XIRP2: variants seen among roughly 807,000 people sequenced by gnomAD.
XIRP2 encodes xin actin-binding repeat-containing protein 2.
In XIRP2, 236 loss-of-function variants were observed where a neutral mutation model predicts 277.0. The observed-to-expected ratio is 0.85, with a 90% confidence interval of 0.77 to 0.95. The LOEUF is 0.95. XIRP2 is among the 40% of genes least tolerant of loss of function. The probability of loss-of-function intolerance (pLI) is 0.00; values close to 1 mark genes in which losing one functional copy is unlikely to be tolerated. For missense variants in XIRP2, 4,640 were observed against 4,157.5 expected (o/e 1.12, Z -3.19); for synonymous variants, 1,490 against 1,416.5 (o/e 1.05, Z -1.17).
At chr2:167,064,384 CTTCTA>C (rs1689250093) in intron 2 of XIRP2, among the ~76,000 whole-genome samples, 1 of 151,844 alleles carries the variant, frequency 6.6e-6, no homozygotes, top group South Asian at 2.1e-4. Flanking sequence ...ATAGCGCATA[CTTCTA>C]TTTATTTAAT....
chr2:167,079,929 T>G (rs1009838646), intron 2 of XIRP2, among the ~76,000 whole-genome samples: 3 of 152,086 alleles, frequency 2.0e-5, no homozygotes, highest in East Asian at 1.9e-4. Flanking sequence ...TTTGTTTTTT[T>G]GGGTTTATTT....
At chr2:167,144,293 T>C (rs1476266444) in intron 3 of XIRP2, among the ~76,000 whole-genome samples, 1 of 152,144 alleles carries the variant, frequency 6.6e-6, no homozygotes, top group African/African-American at 2.4e-5. Flanking sequence ...GCTAAAATAA[T>C]GTTCTATGAA....
intron 2 of XIRP2, among the ~76,000 whole-genome samples, chr2:166,925,827 C>T (rs777058093): frequency 1.6e-4 from 25 of 151,552 alleles, no homozygotes; most frequent in Non-Finnish European, 7.4e-5. Flanking sequence ...CTAAGCACTT[C>T]GGGAGGCCTA....
intron 2 of XIRP2, among the ~76,000 whole-genome samples, chr2:167,019,931 AT>A (rs1449959150): frequency 6.6e-6 from 1 of 152,040 alleles, no homozygotes; most frequent in African/African-American, 2.4e-5. Flanking sequence ...TAGCAAGATG[AT>A]TCTTTAAAAG....
intron 2 of XIRP2, among the ~76,000 whole-genome samples, chr2:167,085,571 T>G (rs1164091603): frequency 1.3e-5 from 2 of 152,132 alleles, no homozygotes; most frequent in Non-Finnish European, 2.9e-5. Context: ...TTAATATGTG[T>G]GAGTCTAAGT....
chr2:167,123,357 C>T (rs79867513), intron 2 of XIRP2, among the ~76,000 whole-genome samples: 10 of 152,112 alleles, frequency 6.6e-5, no homozygotes, highest in African/African-American at 1.9e-4. Flanking sequence ...TTTAAAGCTA[C>T]GAAGAAACTT....
chr2:166,988,452 G>GAGTAAGATCTAAAGGTGAGTTAATAGTA (rs1553475861), intron 2 of XIRP2, among the ~76,000 whole-genome samples: 4 of 135,292 alleles, frequency 3.0e-5, no homozygotes, highest in East Asian at 6.5e-4. Flanking sequence ...GAAAACTTTA[G>GAGTAAGATCTAAAGGTGAGTTAATAGTA]TTGGAGGAGC....
At chr2:166,983,042 G>A (rs769267025) in intron 2 of XIRP2, among the ~76,000 whole-genome samples, 9 of 152,124 alleles carry the variant, frequency 5.9e-5, no homozygotes, top group Admixed American at 5.2e-4. Flanking sequence ...TCAGTTAGGT[G>A]GCTTTTGCTG....
intron 2 of XIRP2, among the ~76,000 whole-genome samples, chr2:167,129,879 A>AG (rs1691325154): frequency 6.6e-6 from 1 of 151,808 alleles, no homozygotes; most frequent in African/African-American, 2.4e-5. Flanking sequence ...CAAAAAAAAA[A>AG]AAAAAAGAAA....
intron 2 of XIRP2, among the ~76,000 whole-genome samples, chr2:167,005,133 A>G (rs1687474375): frequency 6.6e-6 from 1 of 151,912 alleles, no homozygotes; most frequent in Non-Finnish European, 1.5e-5. Flanking sequence ...GCATTTGCAA[A>G]TAACAAGTTA....
intron 2 of XIRP2, among the ~76,000 whole-genome samples, chr2:167,053,393 T>C (rs1043832040): frequency 6.6e-6 from 1 of 152,218 alleles, no homozygotes; most frequent in African/African-American, 2.4e-5. Flanking sequence ...TTTCAATCCA[T>C]CATTTGACAT....
chr2:166,975,150 T>C (rs1472971432), intron 2 of XIRP2, among the ~76,000 whole-genome samples: 3 of 152,078 alleles, frequency 2.0e-5, no homozygotes, highest in South Asian at 4.1e-4. Flanking sequence ...TTAAAATACA[T>C]GAAGTAGAGA....
chr2:167,041,084 G>A (rs916202423), intron 2 of XIRP2, among the ~76,000 whole-genome samples: 2 of 151,904 alleles, frequency 1.3e-5, no homozygotes, highest in Admixed American at 6.6e-5. Context: ...CAAGGAACCA[G>A]AGAAAAAAAC....
At chr2:166,957,759 AC>A (rs1686199145) in intron 2 of XIRP2, among the ~76,000 whole-genome samples, 2 of 151,778 alleles carry the variant, frequency 1.3e-5, no homozygotes, top group Non-Finnish European at 2.9e-5. Context: ...ATGCAGATAG[AC>A]CCATATGAGT....
chr2:167,250,593 T>G lies in XIRP2; in HGVS notation c.9201T>G (p.Ser3067Arg). 3 of 1,613,040 alleles carry G rather than the reference T, an allele frequency of 1.9e-6. No homozygotes were observed. Among genetic ancestry groups the G allele is most frequent in the Non-Finnish European group, 2.5e-6 (3 of 1,179,602 alleles). Residue 3067 changes from serine (S) to arginine (R), a missense_variant, in exon 9 of 11, where the codon AGT becomes AGG. By Grantham distance (110) the Ser-to-Arg change is moderately radical. Transcript: ENST00000409195. ...TTCATGTCAGCAATAATAAAAATAG[T>G]GAACAGAAAGAAAATAAAATTGCCA... ...SNVHVSNNKN[S>R]EQKENKIAKE... is the part of the protein sequence containing the mutation.
At position 167,214,226 on chromosome 2, in the gene XIRP2, G is replaced by GAGGGAGGGAGGGAGGAAGGAAGGA. The variant is rs1323240476; in HGVS notation, c.723+3334_723+3335insGAGGGAGGGAGGAAGGAAGGAAGG. Among the ~76,000 whole-genome samples the GAGGGAGGGAGGGAGGAAGGAAGGA allele has an allele frequency of 1.6e-3, 109 of 67,328 alleles. 2 individuals carry two copies. The highest frequency in any genetic ancestry group is 2.6e-3 in the Admixed American group (18 of 6,826). 44.2% of individuals were successfully genotyped at this position (67,328 alleles called of 152,430 possible). On this transcript the variant is annotated intron_variant, in intron 4 of 10. Transcript: ENST00000409195. The stretch of plus-strand genomic sequence containing the variant: ...AAAGAGAGGGAGGGAGGGAGGGAGG[G>GAGGGAGGGAGGGAGGAAGGAAGGA]AGGAAGGAAGGAAGGAAGGAAGGAA...
rs1487808810 is a variant in XIRP2, at chr2:166,970,002, C to T, written c.408+66112C>T. Among the ~76,000 whole-genome samples the T allele has an allele frequency of 7.2e-5, 11 of 151,890 alleles. No individual in the cohort carries two copies. The East Asian group carries it at 1.9e-3, about 27-fold the overall frequency. On this transcript the variant is annotated intron_variant, in intron 2 of 10. Transcript: ENST00000409195. Reference sequence around the variant, plus strand: ...GCATTCGGATCATTTTTGCTTTTCGCTTTCAGGTCTGGGTGAATGAAAGGG... The same window carrying T: ...GCATTCGGATCATTTTTGCTTTTCGTTTTCAGGTCTGGGTGAATGAAAGGG...
intron 3 of XIRP2, among the ~76,000 whole-genome samples, chr2:167,208,493 A>G (rs576739039): frequency 6.6e-6 from 1 of 152,084 alleles, no homozygotes; most frequent in Non-Finnish European, 1.5e-5. Flanking sequence ...ATTTTTTAGT[A>G]GAGACGGGGT....
In XIRP2 at chr2:167,249,198, T is replaced by C. The variant is rs1343967133; in HGVS notation, c.7806T>C (p.Asp2602=). Residue 2602 remains aspartate (D), a synonymous_variant, in exon 9 of 11, where the codon GAT becomes GAC. Transcript: ENST00000409195. The part of the protein sequence containing the change: ...TNEEVSLSGI[D]SECTVVQPSP... ...AGGAGGTTTCCCTATCTGGAATTGA[T>C]TCAGAATGCACTGTGGTTCAACCCA... The C allele has an allele frequency of 6.2e-7, 1 of 1,613,542 alleles. No individual in the cohort carries two copies. Among genetic ancestry groups the C allele is most frequent in the African/African-American group, 1.3e-5 (1 of 74,862 alleles).
Sources: gnomAD v4.1 joint callset for allele counts (sites outside exome capture counted in the v4.1 genomes callset) on GRCh38, gnomAD v4.1.1 for gene constraint, MANE v1.5 for transcripts, NCBI Gene and HGNC (gene_info 2026-07-23, HGNC 2026-07-21) for gene names.